The following HECTD4 variants were observed in gnomAD, a reference collection of about 807,000 sequenced individuals.
HECTD4 encodes HECT domain E3 ubiquitin protein ligase 4.
In HECTD4, 114 loss-of-function variants were observed where a neutral mutation model predicts 471.5. That is an observed-to-expected ratio of 0.24 (90% CI 0.21 to 0.28). The LOEUF (loss-of-function observed/expected upper bound fraction) is 0.28, where lower values mean the gene tolerates loss of function less well. Among genes scored for constraint, HECTD4 ranks in the 10% least tolerant of loss-of-function variants. HECTD4 has a pLI of 1.00. For missense variants in HECTD4, 3,866 were observed against 5,651.5 expected (o/e 0.68, Z 10.13); for synonymous variants, 2,012 against 2,256.0 (o/e 0.89, Z 3.07).
Position 112,169,591 on chromosome 12 carries a change from C to T in HECTD4, c.12120G>A (p.Ser4040=), listed in dbSNP as rs186338151. The T allele has an allele frequency of 2.4e-5, 38 of 1,613,614 alleles. No homozygotes were observed. The highest frequency in any genetic ancestry group is 1.1e-4 in the East Asian group (5 of 44,888). ...TGGCCAGCTTGACGCAGAGCTGAGACGACGGCACTGAGGCCAGCTGCCTGG... is the reference window on the plus strand; with the variant it reads ...TGGCCAGCTTGACGCAGAGCTGAGATGACGGCACTGAGGCCAGCTGCCTGG... ...QAARQLASVP[S]SQLCVKLASG... is the part of the protein sequence containing the mutation. The change falls in exon 70 of 76, where the codon TCG becomes TCA. Residue 4040 remains serine (S), a synonymous_variant. Transcript: ENST00000682272.
chr12:112,276,774 C>A (rs2034536748), intron 9 of HECTD4, among the ~76,000 whole-genome samples: 1 of 152,118 alleles, frequency 6.6e-6, no homozygotes, highest in Non-Finnish European at 1.5e-5. Context: ...GGATAAAAGA[C>A]TTTGGAGGAA....
chr12:112,298,480 ATTT>A (rs199649818), intron 7 of HECTD4, among the ~76,000 whole-genome samples: 3 of 132,790 alleles, frequency 2.3e-5, no homozygotes, highest in Non-Finnish European at 1.6e-5. Context: ...AATTATATTA[ATTT>A]TTTTTTTTTT....
At chr12:112,357,264 T>C (rs188806505) in intron 1 of HECTD4, among the ~76,000 whole-genome samples, 1 of 150,782 alleles carries the variant, frequency 6.6e-6, no homozygotes, top group Admixed American at 6.6e-5. Context: ...AAAGTCATAA[T>C]AAAAAAAAAG....
chr12:112,351,470 A>G (rs1223681062), intron 1 of HECTD4, among the ~76,000 whole-genome samples: 1 of 152,242 alleles, frequency 6.6e-6, no homozygotes, highest in Non-Finnish European at 1.5e-5. Context: ...ACCAATTTAA[A>G]TAATCTTTTA....
intron 6 of HECTD4, 37 bp downstream of exon 6, chr12:112,308,716 A>C: frequency 2.0e-6 from 3 of 1,510,416 alleles, no homozygotes; most frequent in Non-Finnish European, 2.7e-6. Context: ...TATTGCCTCT[A>C]AAATATGTTT....
Position 112,216,358 on chromosome 12 carries a change from C to T in HECTD4, c.7399G>A (p.Val2467Met), listed in dbSNP as rs372438469. ...AACAAACTGGAGCCATTATAGTGCACGGCTCGGCCGTTGCTATGAAAAATA... is the reference window on the plus strand; with the variant it reads ...AACAAACTGGAGCCATTATAGTGCATGGCTCGGCCGTTGCTATGAAAAATA... ...TCLFHNNGRA[V>M]HYNGSSLLQW... The change falls in exon 48 of 76, where the codon GTG becomes ATG. Residue 2467 changes from valine (V) to methionine (M), a missense_variant. Physicochemically the swap from Val to Met is conservative, Grantham distance 21. This residue lies in a region of HECTD4 where 617 missense variants were observed against 915.1 expected (regional missense o/e 0.67). Transcript: ENST00000682272. 2.6e-6 allele frequency: 4 copies of T among 1,551,882 alleles called. No individual in the cohort carries two copies. Among genetic ancestry groups the T allele is most frequent in the Non-Finnish European group, 2.6e-6 (3 of 1,146,338 alleles).
chr12:112,176,463 CA>C (rs1354806394), intron 65 of HECTD4, 132 bp downstream of exon 65: 1 of 646,902 alleles, frequency 1.5e-6, no homozygotes, highest in Non-Finnish European at 2.8e-6. Flanking sequence ...CCAGGGAACC[CA>C]GAGCCCAGAG....
intron 1 of HECTD4, among the ~76,000 whole-genome samples, chr12:112,370,182 A>G (rs2135760008): frequency 6.6e-6 from 1 of 152,326 alleles, no homozygotes; most frequent in East Asian, 1.9e-4. Context: ...TGGAGGAAAC[A>G]GCAACAAGCC....
chr12:112,327,690 G>C (rs1254109450), intron 1 of HECTD4, among the ~76,000 whole-genome samples: 1 of 152,122 alleles, frequency 6.6e-6, no homozygotes, highest in African/African-American at 2.4e-5. Context: ...TTTTTCACAC[G>C]CAAACGCTAT....
intron 8 of HECTD4, among the ~76,000 whole-genome samples, chr12:112,279,658 C>T (rs2034593937): frequency 6.6e-6 from 1 of 152,202 alleles, no homozygotes; most frequent in African/African-American, 2.4e-5. Context: ...CATGCCTCTA[C>T]AAATTATTCC....
At chr12:112,360,277 C>T (rs922306346) in intron 1 of HECTD4, among the ~76,000 whole-genome samples, 2 of 152,108 alleles carry the variant, frequency 1.3e-5, no homozygotes, top group African/African-American at 4.8e-5. Context: ...AATGATTGTA[C>T]CTGTGAATAG....
At chr12:112,247,999 C>T in intron 27 of HECTD4, 68 bp downstream of exon 27, 2 of 1,103,946 alleles carry the variant, frequency 1.8e-6, no homozygotes, top group Admixed American at 2.0e-5. Context: ...CACACACACA[C>T]ACACACAGTA....
chr12:112,282,257 C>T (rs1347840759), intron 8 of HECTD4, among the ~76,000 whole-genome samples: 6 of 152,132 alleles, frequency 3.9e-5, no homozygotes, highest in Non-Finnish European at 7.4e-5. Flanking sequence ...GTAGCGGGCG[C>T]CTGTAGTCCC....
In HECTD4 at chr12:112,258,506, G is replaced by C; in HGVS notation, c.3118C>G (p.Pro1040Ala). ...AGCAGCATTCATTACCTCTCATCAG[G>C]GAACAGCCTGCACTTCTGGTCTGGT... is the stretch of plus-strand genomic sequence containing the variant. ...GAPDQKCRLF[P>A]DERMLEEKEE... is the part of the protein sequence containing the mutation. The change falls in exon 20 of 76, where the codon CCT becomes GCT. Residue 1040 changes from proline to alanine, a missense_variant. Physicochemically the swap from Pro to Ala is conservative, Grantham distance 27. Transcript: ENST00000682272. The C allele has an allele frequency of 6.3e-7, 1 of 1,588,152 alleles. No individual in the cohort carries two copies. Among genetic ancestry groups the C allele is most frequent in the Non-Finnish European group, 8.5e-7 (1 of 1,169,864 alleles).
intron 1 of HECTD4, among the ~76,000 whole-genome samples, chr12:112,343,398 T>A (rs766397775): frequency 6.6e-6 from 1 of 152,242 alleles, no homozygotes; most frequent in Non-Finnish European, 1.5e-5. Flanking sequence ...TGGCTTCTGA[T>A]GTACAAAGCA....
At chr12:112,285,784 T>A (rs535279719) in intron 7 of HECTD4, among the ~76,000 whole-genome samples, 1 of 151,958 alleles carries the variant, frequency 6.6e-6, no homozygotes, top group East Asian at 1.9e-4. Context: ...CCCCTCACCC[T>A]CCCCACCGAC....
rs1363256381 is a variant in HECTD4, at chr12:112,175,747, A to G, written c.11583T>C (p.Leu3861=). The part of the protein sequence containing the change: ...WRAILSCGYD[L]HFERCACIDV... ...GGTAACCCTCTTACCTCTCAAAGTG[A>G]AGATCGTAACCACAGGACAAGATCG... Residue 3861 remains leucine (L), a synonymous_variant, in exon 66 of 76, where the codon CTT becomes CTC. Transcript: ENST00000682272. The G allele has an allele frequency of 6.2e-7, 1 of 1,612,440 alleles. No individual in the cohort carries two copies. The highest frequency in any genetic ancestry group is 8.5e-7 in the Non-Finnish European group (1 of 1,179,306).
chr12:112,349,474 C>T (rs1382547617), intron 1 of HECTD4, among the ~76,000 whole-genome samples: 1 of 147,304 alleles, frequency 6.8e-6, no homozygotes, highest in Non-Finnish European at 1.5e-5. Flanking sequence ...GCCAAATCAA[C>T]ATTTAAAAAT....
intron 65 of HECTD4, among the ~76,000 whole-genome samples, chr12:112,176,232 C>T (rs371306537): frequency 4.2e-4 from 64 of 152,372 alleles, no homozygotes; most frequent in East Asian, 2.9e-3. Context: ...CAGCACAGGC[C>T]GCTAGCTTAG....
Sources: allele counts gnomAD v4.1 joint callset (sites outside exome capture counted in the v4.1 genomes callset), GRCh38; gene constraint gnomAD v4.1.1; regional missense constraint gnomAD v4.1.1; transcripts MANE v1.5; gene names NCBI Gene and HGNC (gene_info 2026-07-23, HGNC 2026-07-21).